Variants in KCNIP4 observed in about 807,000 individuals in gnomAD.
KCNIP4 encodes Kv channel-interacting protein 4.
Under a neutral mutation model 34.0 loss-of-function variants are expected in KCNIP4, and 12 were observed. The ratio of observed to expected loss-of-function variants is 0.35; its 90% CI spans 0.23 to 0.57. The LOEUF is 0.57. Among genes scored for constraint, KCNIP4 ranks in the 20% least tolerant of loss-of-function variants. KCNIP4 has a pLI of 0.83. For missense variants in KCNIP4, 238 were observed against 311.7 expected, an observed-to-expected ratio of 0.76 and a Z score of 1.78; for synonymous variants, 124 against 102.2, an observed-to-expected ratio of 1.21 and a Z score of -1.29.
At chr4:21,344,472 A>G (rs1421083933) in intron 1 of KCNIP4, among the ~76,000 whole-genome samples, 2 of 152,182 alleles carry the variant, frequency 1.3e-5, no homozygotes, top group Non-Finnish European at 2.9e-5. Flanking sequence ...AGATCAGGAG[A>G]GAGTTTTAAG....
chr4:21,504,504 A>AAAGG (rs1288325980), intron 1 of KCNIP4, among the ~76,000 whole-genome samples: 10,208 of 130,970 alleles, frequency 0.078, 665 homozygotes, highest in East Asian at 0.21. Flanking sequence ...AGAAAGAAAG[A>AAAGG]AAGGAAGGAA....
In KCNIP4 at chr4:21,094,039, G is replaced by A. The variant is rs548451426; in HGVS notation, c.62-211330C>T. The stretch of plus-strand genomic sequence containing the variant: ...AGAGCTTGCAGTGAGCCAAGATCAC[G>A]CCACTGTACTCCAGCCTGGGCGACA... On this transcript the variant is annotated intron_variant, in intron 1 of 8. Transcript: ENST00000382152. Among the ~76,000 whole-genome samples, 8 of 151,734 alleles carry A rather than the reference G, an allele frequency of 5.3e-5. No individual in the cohort carries two copies. In the South Asian group the frequency reaches 8.3e-4, roughly 16 times the overall value.
chr4:21,683,609 C>T (rs990451166), intron 1 of KCNIP4, among the ~76,000 whole-genome samples: 15 of 151,546 alleles, frequency 9.9e-5, no homozygotes, highest in Admixed American at 3.3e-4. Flanking sequence ...GCTGGGACTA[C>T]AGGCGCCCGC....
chr4:21,656,655 T>C (rs537672596), intron 1 of KCNIP4: 2 of 152,490 alleles, frequency 1.3e-5, no homozygotes, highest in Admixed American at 6.5e-5. Flanking sequence ...TATTCCTTTA[T>C]GCCACATAGC....
intron 1 of KCNIP4, among the ~76,000 whole-genome samples, chr4:20,974,404 A>G (rs748401476): frequency 1.1e-4 from 17 of 151,962 alleles, no homozygotes; most frequent in Non-Finnish European, 2.1e-4. Flanking sequence ...AGGGTGGTAT[A>G]AAAGAGAGGG....
intron 1 of KCNIP4, among the ~76,000 whole-genome samples, chr4:21,948,032 C>A (rs1312442261): frequency 2.0e-5 from 3 of 152,226 alleles, no homozygotes; most frequent in Non-Finnish European, 4.4e-5. Flanking sequence ...TCTCTGAACA[C>A]ACTAAACTGA....
rs10017128 is a variant in KCNIP4, at chr4:21,027,467, C to T, written c.62-144758G>A. ...AAAAGGGAGGCAGGAGAGTCAGGGA[C>T]GAAGGAGACGAGGCCACAGAAGCTC... On this transcript the variant is annotated intron_variant, in intron 1 of 8. Transcript: ENST00000382152. 7.6e-3 allele frequency among the ~76,000 whole-genome samples: 1,154 copies of T among 151,658 alleles called. 13 individuals are homozygous for T. Among genetic ancestry groups the T allele is most frequent in the African/African-American group, 0.026 (1,088 of 41,362 alleles).
At chr4:21,108,636 G>T (rs1484343905) in intron 1 of KCNIP4, among the ~76,000 whole-genome samples, 1 of 151,698 alleles carries the variant, frequency 6.6e-6, no homozygotes, top group Non-Finnish European at 1.5e-5. Context: ...TTCCATTGCT[G>T]GTGAGGAACT....
chr4:21,472,508 A>G (rs1401675137), intron 1 of KCNIP4, among the ~76,000 whole-genome samples: 1 of 152,162 alleles, frequency 6.6e-6, no homozygotes, highest in African/African-American at 2.4e-5. Flanking sequence ...CTTCTCTTAG[A>G]TTATCATGTT....
chr4:20,973,319 A>C, intron 1 of KCNIP4, among the ~76,000 whole-genome samples: 1 of 152,160 alleles, frequency 6.6e-6, no homozygotes, highest in East Asian at 1.9e-4. Context: ...CTTAAACCTC[A>C]TGAGCCAAAC....
intron 1 of KCNIP4, among the ~76,000 whole-genome samples, chr4:21,295,367 A>G (rs1291649753): frequency 6.6e-6 from 1 of 152,184 alleles, no homozygotes; most frequent in Admixed American, 6.5e-5. Context: ...GGGCGTATAA[A>G]AGAAGGTAGA....
intron 1 of KCNIP4, among the ~76,000 whole-genome samples, chr4:20,995,440 T>C (rs1011336845): frequency 1.3e-5 from 2 of 152,172 alleles, no homozygotes; most frequent in African/African-American, 4.8e-5. Flanking sequence ...ATCTCTGAGG[T>C]ATTTCGATTA....
chr4:21,757,918 T>C (rs1028867313), intron 1 of KCNIP4, among the ~76,000 whole-genome samples: 2 of 152,182 alleles, frequency 1.3e-5, no homozygotes, highest in Non-Finnish European at 2.9e-5. Context: ...AAGACATGCG[T>C]TGGTGTGTGA....
chr4:21,270,481 A>G (rs1021840094), intron 1 of KCNIP4, among the ~76,000 whole-genome samples: 1 of 152,192 alleles, frequency 6.6e-6, no homozygotes, highest in Admixed American at 6.5e-5. Context: ...ACAGTTCAAA[A>G]TACTATTAGA....
intron 1 of KCNIP4, among the ~76,000 whole-genome samples, chr4:21,142,087 G>T (rs1487911167): frequency 2.0e-5 from 3 of 147,508 alleles, no homozygotes; most frequent in Admixed American, 7.0e-5. Flanking sequence ...GGAGGCTGAG[G>T]TTGCAGTGAG....
chr4:20,756,357 CG>C (rs1310649903), intron 4 of KCNIP4, among the ~76,000 whole-genome samples: 1 of 152,152 alleles, frequency 6.6e-6, no homozygotes, highest in Non-Finnish European at 1.5e-5. Flanking sequence ...ACTATCCCAT[CG>C]CATCACTATC....
intron 1 of KCNIP4, among the ~76,000 whole-genome samples, chr4:21,433,849 A>G (rs1473036482): frequency 6.6e-6 from 1 of 152,224 alleles, no homozygotes; most frequent in Non-Finnish European, 1.5e-5. Flanking sequence ...TTGCTTCCAT[A>G]TAAATAATTA....
At chr4:20,964,520 G>T (rs78789656) in intron 1 of KCNIP4, among the ~76,000 whole-genome samples, 2,712 of 151,904 alleles carry the variant, frequency 0.018, 82 homozygotes, top group African/African-American at 0.063. Context: ...CGTCTTTTTT[G>T]GGGGGGAGGT....
At chr4:21,612,168 G>A (rs993124832) in intron 1 of KCNIP4, among the ~76,000 whole-genome samples, 2 of 152,014 alleles carry the variant, frequency 1.3e-5, no homozygotes, top group African/African-American at 4.8e-5. Context: ...AAAAAAGGAG[G>A]TTTTTCTGTT....
Sources: allele counts gnomAD v4.1 joint callset (sites outside exome capture counted in the v4.1 genomes callset), GRCh38; gene constraint gnomAD v4.1.1; transcripts MANE v1.5; gene names NCBI Gene and HGNC (gene_info 2026-07-23, HGNC 2026-07-21).